Variants in TRPC7 observed in about 807,000 individuals in gnomAD.
The protein encoded by TRPC7 is transient receptor potential cation channel subfamily C member 7, also known as short transient receptor potential channel 7.
TRPC7 carries 42 observed loss-of-function variants against 90.1 expected under a neutral mutation model. The observed-to-expected ratio is 0.47, with a 90% CI of 0.36 to 0.60. The LOEUF is 0.60. Ranked by LOEUF, TRPC7 falls within the 20% of genes least tolerant of loss-of-function variation. The pLI is 0.00. For missense variants in TRPC7, 955 were observed against 1,112.3 expected (o/e 0.86, Z 2.01); for synonymous variants, 451 against 436.3 (o/e 1.03, Z -0.42).
intron 6 of TRPC7, among the ~76,000 whole-genome samples, chr5:136,249,913 G>A (rs1233962020): frequency 6.6e-6 from 1 of 152,200 alleles, no homozygotes; most frequent in East Asian, 1.9e-4. Flanking sequence ...AAATCCAAAG[G>A]ATTTCCAAGG....
At chr5:136,292,475 C>T (rs1410954051) in intron 3 of TRPC7, among the ~76,000 whole-genome samples, 2 of 150,848 alleles carry the variant, frequency 1.3e-5, no homozygotes, top group Non-Finnish European at 3.0e-5. Context: ...ACCACTGATC[C>T]CACAGAAATA....
At position 136,221,090 on chromosome 5, in the gene TRPC7, A is replaced by AATGTGTGTGTGTGTGTAT. The variant is rs1755442832; in HGVS notation, c.2343+4166_2343+4183dup. Among the ~76,000 whole-genome samples, 5 of 145,666 alleles carry AATGTGTGTGTGTGTGTAT rather than the reference A, an allele frequency of 3.4e-5. No individual in the cohort carries two copies. The South Asian group carries it at 1.1e-3, about 33-fold the overall frequency. On this transcript the variant is annotated intron_variant, in intron 10 of 11. Coordinates refer to ENST00000513104, the MANE Select transcript of TRPC7 (RefSeq NM_020389.3). ...CTCCCTTCTTTCACTATGTGGGGGA[A>AATGTGTGTGTGTGTGTAT]ATGTGTGTGTGTGTGTATGTGTCTG...
At chr5:136,281,899 C>G (rs1757562805) in intron 3 of TRPC7, among the ~76,000 whole-genome samples, 1 of 152,180 alleles carries the variant, frequency 6.6e-6, no homozygotes, top group African/African-American at 2.4e-5. Context: ...CCACTTATAT[C>G]ATGCATCAAA....
chr5:136,294,725 C>T (rs577756585), intron 3 of TRPC7, among the ~76,000 whole-genome samples: 19 of 152,312 alleles, frequency 1.2e-4, no homozygotes, highest in South Asian at 4.2e-4. Flanking sequence ...TTGTGGAAGT[C>T]GGCATGGTGA....
At chr5:136,341,269 TC>T in intron 2 of TRPC7, among the ~76,000 whole-genome samples, 1 of 152,226 alleles carries the variant, frequency 6.6e-6, no homozygotes, top group Non-Finnish European at 1.5e-5. Context: ...AGTGCATCTA[TC>T]TTGTGGAACA....
At chr5:136,227,816 T>C (rs1755678648) in intron 8 of TRPC7, among the ~76,000 whole-genome samples, 1 of 152,222 alleles carries the variant, frequency 6.6e-6, no homozygotes, top group South Asian at 2.1e-4. Context: ...TCATCTGTAA[T>C]ATAAGCATAG....
At chr5:136,256,660 A>G (rs928374502) in intron 5 of TRPC7, among the ~76,000 whole-genome samples, 3 of 152,116 alleles carry the variant, frequency 2.0e-5, no homozygotes, top group Admixed American at 6.5e-5. Context: ...CTTCAACTCT[A>G]TTCTCTGACC....
chr5:136,263,584 A>G (rs1012920176), intron 5 of TRPC7, among the ~76,000 whole-genome samples: 3 of 152,218 alleles, frequency 2.0e-5, no homozygotes, highest in African/African-American at 7.2e-5. Flanking sequence ...GGAAAACACA[A>G]AAATGATGAG....
At chr5:136,304,875 C>A (rs1758551855) in intron 3 of TRPC7, among the ~76,000 whole-genome samples, 1 of 152,244 alleles carries the variant, frequency 6.6e-6, no homozygotes, top group African/African-American at 2.4e-5. Flanking sequence ...AATTCTTACA[C>A]AAGAGCCAGG....
At chr5:136,309,288 T>C (rs1179069605) in intron 3 of TRPC7, among the ~76,000 whole-genome samples, 3 of 152,150 alleles carry the variant, frequency 2.0e-5, no homozygotes, top group Non-Finnish European at 4.4e-5. Context: ...TCTTTCACTT[T>C]TATTAAAAAT....
chr5:136,364,654 A>G (rs1178141820), intron 1 of TRPC7, among the ~76,000 whole-genome samples: 2 of 152,234 alleles, frequency 1.3e-5, no homozygotes, highest in Non-Finnish European at 2.9e-5. Flanking sequence ...TGAATTTACA[A>G]CTTCAAACTT....
Position 136,365,465 on chromosome 5 carries a change from G to C in TRPC7, c.-211C>G. The C allele has an allele frequency of 1.7e-6, 1 of 589,702 alleles. No homozygotes were observed. Among genetic ancestry groups the C allele is most frequent in the Non-Finnish European group, 3.0e-6 (1 of 331,652 alleles). 36.5% of individuals were successfully genotyped at this position (589,702 alleles called of 1,614,324 possible). ...GCAGTGGTAAAAACTCGCCTTCCGAGGCAGAACCGTGTTACCGTCCTTTTC... is the reference window on the plus strand; with the variant it reads ...GCAGTGGTAAAAACTCGCCTTCCGACGCAGAACCGTGTTACCGTCCTTTTC... On this transcript the variant is annotated 5_prime_UTR_variant, in exon 1 of 12. Transcript: ENST00000513104.
intron 2 of TRPC7, among the ~76,000 whole-genome samples, chr5:136,347,133 G>A (rs1760032154): frequency 6.6e-6 from 1 of 152,164 alleles, no homozygotes; most frequent in Non-Finnish European, 1.5e-5. Flanking sequence ...AGCCTCCAAG[G>A]AGGGCATGAC....
At chr5:136,228,254 G>A (rs1019200380) in intron 8 of TRPC7, among the ~76,000 whole-genome samples, 11 of 151,878 alleles carry the variant, frequency 7.2e-5, no homozygotes, top group South Asian at 2.1e-4. Context: ...GCTCAGATCC[G>A]AGGAGTGAGC....
chr5:136,216,194 A>C lies in TRPC7; in HGVS notation c.2419+6T>G. On this transcript the variant is annotated splice_donor_region_variant and intron_variant, in intron 11 of 11. Transcript: ENST00000513104. ...TCACCACGTGGGTGGAAATCCAGTC[A>C]TTTACCTTCATTGACTTCGTCATTT... is the stretch of plus-strand genomic sequence containing the variant. 1 of 1,610,356 alleles carries C rather than the reference A, an allele frequency of 6.2e-7. No individual in the cohort carries two copies. Among genetic ancestry groups the C allele is most frequent in the Non-Finnish European group, 8.5e-7 (1 of 1,178,046 alleles).
rs1415026728 is a variant in TRPC7, at chr5:136,365,500, G to A, written c.-246C>T. 1.2e-5 allele frequency: 7 copies of A among 567,554 alleles called. No individual in the cohort carries two copies. Among genetic ancestry groups the A allele is most frequent in the Admixed American group, 3.0e-5 (1 of 33,314 alleles). The allele number at this position is 567,554 out of a possible 1,614,324, so 35.2% of individuals were successfully genotyped here. A position where few individuals can be genotyped will look rare whatever the true frequency, so the allele number is the denominator to read the frequency against. On this transcript the variant is annotated 5_prime_UTR_variant, in exon 1 of 12. Transcript: ENST00000513104. ...TGTTACCGTCCTTTTCCTAATCGGGGGGAAATTTCCCAGAGAACATGACGG... is the reference window on the plus strand; with the variant it reads ...TGTTACCGTCCTTTTCCTAATCGGGAGGAAATTTCCCAGAGAACATGACGG...
chr5:136,285,671 C>T (rs1315659249), intron 3 of TRPC7, among the ~76,000 whole-genome samples: 1 of 152,142 alleles, frequency 6.6e-6, no homozygotes, highest in Admixed American at 6.5e-5. Flanking sequence ...AGAAGGGAAG[C>T]CCAGTGGCCT....
At chr5:136,221,451 T>C (rs1431270037) in intron 10 of TRPC7, among the ~76,000 whole-genome samples, 1 of 152,210 alleles carries the variant, frequency 6.6e-6, no homozygotes, top group Admixed American at 6.5e-5. Flanking sequence ...AAATGGCCTC[T>C]GGCCGCTGAT....
At chr5:136,275,604 C>T (rs1757341645) in intron 3 of TRPC7, among the ~76,000 whole-genome samples, 1 of 152,158 alleles carries the variant, frequency 6.6e-6, no homozygotes, top group Non-Finnish European at 1.5e-5. Flanking sequence ...ACCACTACTT[C>T]TCTCTCTTGG....
Sources: gnomAD v4.1 joint callset for allele counts (sites outside exome capture counted in the v4.1 genomes callset) on GRCh38, gnomAD v4.1.1 for gene constraint, MANE v1.5 for transcripts, NCBI Gene and HGNC (gene_info 2026-07-23, HGNC 2026-07-21) for gene names.